KIF26B: variants seen among roughly 807,000 people sequenced by gnomAD.
The protein encoded by KIF26B is kinesin-like protein KIF26B.
KIF26B carries 63 observed loss-of-function variants against 151.2 expected under a neutral mutation model. The observed-to-expected ratio is 0.42, with a 90% confidence interval of 0.34 to 0.51. The LOEUF is 0.51. KIF26B is among the 20% of genes least tolerant of loss of function. The pLI, the probability that KIF26B is intolerant of heterozygous loss-of-function variation, is 0.07. For synonymous variants in KIF26B, 1,357 were observed against 1,262.1 expected (o/e 1.08, Z -1.59); for missense variants, 2,813 against 2,913.6 (o/e 0.97, Z 0.79).
At chr1:245,423,321 G>A (rs1658538705) in intron 4 of KIF26B, among the ~76,000 whole-genome samples, 1 of 152,106 alleles carries the variant, frequency 6.6e-6, no homozygotes, top group African/African-American at 2.4e-5. Flanking sequence ...CATTTTCTCT[G>A]TTTTATGGAT....
At chr1:245,312,069 A>G (rs9428354) in intron 2 of KIF26B, among the ~76,000 whole-genome samples, 90,697 of 152,058 alleles carry the variant, frequency 0.6, 27,538 homozygotes, top group East Asian at 0.75. Context: ...AGAGCCCAGC[A>G]TCTGACTGCA....
intron 9 of KIF26B, among the ~76,000 whole-genome samples, chr1:245,632,415 TGA>T (rs2043790454): frequency 6.6e-6 from 1 of 152,200 alleles, no homozygotes; most frequent in South Asian, 2.1e-4. Flanking sequence ...AAAAATGTGT[TGA>T]GAGTTATTTT....
intron 4 of KIF26B, among the ~76,000 whole-genome samples, chr1:245,530,827 C>A (rs1212579683): frequency 6.6e-6 from 1 of 152,184 alleles, no homozygotes; most frequent in Non-Finnish European, 1.5e-5. Context: ...AGAGCAGCTG[C>A]TGGGTGAACC....
intron 4 of KIF26B, among the ~76,000 whole-genome samples, chr1:245,519,514 A>G (rs1262979153): frequency 1.3e-5 from 2 of 152,076 alleles, no homozygotes; most frequent in African/African-American, 4.8e-5. Context: ...AGGTGGTACC[A>G]CTGCACTCCA....
intron 3 of KIF26B, among the ~76,000 whole-genome samples, chr1:245,413,812 G>T (rs1674350678): frequency 6.6e-6 from 1 of 152,202 alleles, no homozygotes; most frequent in African/African-American, 2.4e-5. Flanking sequence ...GAAGGGGAGA[G>T]TGGAGGGAGG....
intron 9 of KIF26B, among the ~76,000 whole-genome samples, chr1:245,645,609 T>C (rs1479086314): frequency 6.6e-6 from 1 of 152,212 alleles, no homozygotes; most frequent in Non-Finnish European, 1.5e-5. Context: ...TATTTGGGTC[T>C]TCCCTGTCTC....
Position 245,172,774 on chromosome 1 carries a change from C to T in KIF26B, c.465+16091C>T, listed in dbSNP as rs573083831. On this transcript the variant is annotated intron_variant, in intron 2 of 14. Transcript: ENST00000407071. ...GCAGGGAGCCGATATTGCATCACTG[C>T]GCTCCAGCCTGGGTGACAGAGCGAG... is the stretch of plus-strand genomic sequence containing the variant. Among the ~76,000 whole-genome samples, 40 of 152,258 alleles carry T rather than the reference C, an allele frequency of 2.6e-4. No homozygotes were observed. The East Asian group carries it at 4.6e-3, about 18-fold the overall frequency.
At chr1:245,384,726 T>C (rs1673499990) in intron 3 of KIF26B, among the ~76,000 whole-genome samples, 1 of 152,248 alleles carries the variant, frequency 6.6e-6, no homozygotes, top group South Asian at 2.1e-4. Context: ...TTTAGTTTGT[T>C]ATTGGTTGAA....
intron 12 of KIF26B, among the ~76,000 whole-genome samples, chr1:245,690,989 G>A (rs1384155511): frequency 1.3e-5 from 2 of 152,208 alleles, no homozygotes; most frequent in Non-Finnish European, 2.9e-5. Context: ...ATGAACTCTT[G>A]TTATTCTAAT....
intron 2 of KIF26B, among the ~76,000 whole-genome samples, chr1:245,230,885 A>T (rs191252189): frequency 2.0e-5 from 3 of 152,294 alleles, no homozygotes; most frequent in Non-Finnish European, 4.4e-5. Flanking sequence ...TAAAGAAATG[A>T]AAGAAAACCT....
intron 4 of KIF26B, among the ~76,000 whole-genome samples, chr1:245,499,592 A>C (rs1311321756): frequency 6.6e-6 from 1 of 152,228 alleles, no homozygotes; most frequent in Admixed American, 6.5e-5. Flanking sequence ...TAATTTGAGT[A>C]AGCCAAAAAG....
At chr1:245,473,472 G>A (rs1021235580) in intron 4 of KIF26B, among the ~76,000 whole-genome samples, 3 of 151,904 alleles carry the variant, frequency 2.0e-5, no homozygotes, top group East Asian at 1.9e-4. Context: ...TGCCCCCATC[G>A]ACAAAAGAGG....
chr1:245,407,793 C>T (rs10924194), intron 3 of KIF26B, among the ~76,000 whole-genome samples: 35,764 of 151,990 alleles, frequency 0.24, 6,633 homozygotes, highest in African/African-American at 0.51. Context: ...ACTGGTAATA[C>T]TAAGGAGAAC....
intron 2 of KIF26B, among the ~76,000 whole-genome samples, chr1:245,345,319 C>T (rs1426892115): frequency 2.6e-5 from 4 of 152,192 alleles, no homozygotes; most frequent in African/African-American, 7.2e-5. Context: ...TGCGACTTCA[C>T]AGCCTCACAC....
rs375247191 is a variant in KIF26B at position 245,416,112 on chromosome 1, CAAA to C, written c.1000-3452_1000-3450del. On this transcript the variant is annotated intron_variant, in intron 3 of 14. Coordinates refer to ENST00000407071, the MANE Select transcript of KIF26B (RefSeq NM_018012.4). ...AGAAACCCCGTCTCTAGTAAAAATA[CAAA>C]AAAAAAAAAAAAAAGTTAGCCAGGC... 3.3e-3 allele frequency among the ~76,000 whole-genome samples: 407 copies of C among 124,832 alleles called. 2 individuals carry two copies. Among genetic ancestry groups the C allele is most frequent in the African/African-American group, 8.8e-3 (290 of 32,958 alleles). 81.9% of individuals were successfully genotyped at this position (124,832 alleles called of 152,430 possible). A position where few individuals can be genotyped will look rare whatever the true frequency, so the allele number is the denominator to read the frequency against.
chr1:245,290,972 G>A (rs753595295), intron 2 of KIF26B, among the ~76,000 whole-genome samples: 3 of 152,232 alleles, frequency 2.0e-5, no homozygotes, highest in East Asian at 1.9e-4. Flanking sequence ...CTTCCAGGCC[G>A]TTGAGTGCTG....
chr1:245,561,151 G>A (rs1352543056), intron 5 of KIF26B, among the ~76,000 whole-genome samples: 1 of 152,228 alleles, frequency 6.6e-6, no homozygotes, highest in East Asian at 1.9e-4. Context: ...TAGACAGACA[G>A]GAGGCAGTGC....
intron 4 of KIF26B, among the ~76,000 whole-genome samples, chr1:245,484,473 T>C (rs1660232708): frequency 6.6e-6 from 1 of 151,784 alleles, no homozygotes; most frequent in South Asian, 2.1e-4. Flanking sequence ...GTAACTTCTC[T>C]AAGACATTTG....
In KIF26B at chr1:245,698,238, C is replaced by A; in HGVS notation, c.5957C>A (p.Pro1986His). 2 of 1,613,824 alleles carry A rather than the reference C, an allele frequency of 1.2e-6. No individual in the cohort carries two copies. The highest frequency in any genetic ancestry group is 1.7e-6 in the Non-Finnish European group (2 of 1,179,782). Residue 1986 changes from proline (P) to histidine (H), a missense_variant, in exon 13 of 15, where the codon CCC (proline) becomes CAC (histidine). Physicochemically the swap from Pro to His is moderately conservative, Grantham distance 77. This residue lies in a region of KIF26B where 2,060 missense variants were observed against 2,088.6 expected (regional missense o/e 0.99). Coordinates refer to ENST00000407071, the MANE Select transcript of KIF26B (RefSeq NM_018012.4). This position sits in a 1 kb window ranked among gnomAD's most constrained non-coding sequence, Gnocchi z 4.0. The part of the protein sequence containing the change: ...LRSSPRGLGE[P>H]FEIKVYEIDD... ...AGCAGCCCGAGGGGCCTTGGGGAAC[C>A]CTTTGAGATTAAAGTCTATGAAATC...
Sources: allele counts gnomAD v4.1 joint callset (sites outside exome capture counted in the v4.1 genomes callset), GRCh38; gene constraint gnomAD v4.1.1; regional missense constraint gnomAD v4.1.1; non-coding constraint Gnocchi (gnomAD v3.1); transcripts MANE v1.5; gene names NCBI Gene and HGNC (gene_info 2026-07-23, HGNC 2026-07-21).